Variants in KLF12 observed in about 807,000 individuals in gnomAD.
The protein encoded by KLF12 is KLF transcription factor 12.
KLF12 carries 9 observed loss-of-function variants against 37.8 expected under a neutral mutation model. The observed-to-expected ratio is 0.24, with a 90% CI of 0.14 to 0.42. The LOEUF is 0.42. Among genes scored for constraint, KLF12 ranks in the 10% least tolerant of loss-of-function variants. KLF12 has a pLI of 1.00. For synonymous variants in KLF12, 208 were observed against 202.1 expected (o/e 1.03, Z -0.25); for missense variants, 411 against 516.0 (o/e 0.80, Z 1.97).
intron 4 of KLF12, among the ~76,000 whole-genome samples, chr13:73,838,797 A>G (rs1247961287): frequency 6.6e-6 from 1 of 152,192 alleles, no homozygotes; most frequent in African/African-American, 2.4e-5. Flanking sequence ...TGTGTGGCTA[A>G]GGAAAAGACA....
chr13:74,010,096 T>C (rs952279812), intron 1 of KLF12, among the ~76,000 whole-genome samples: 1 of 151,864 alleles, frequency 6.6e-6, no homozygotes, highest in Non-Finnish European at 1.5e-5. Flanking sequence ...ACTACAGGCA[T>C]GCACCACCAC....
intron 7 of KLF12, among the ~76,000 whole-genome samples, chr13:73,704,787 G>T (rs533691392): frequency 1.3e-5 from 2 of 152,168 alleles, no homozygotes; most frequent in Non-Finnish European, 2.9e-5. Context: ...CAGCAGTGCC[G>T]TACTGTGGAT....
chr13:74,068,705 C>T (rs1361929023), intron 1 of KLF12, among the ~76,000 whole-genome samples: 3 of 151,900 alleles, frequency 2.0e-5, no homozygotes, highest in Admixed American at 6.6e-5. Context: ...CACAGGCATG[C>T]GTCATAACAC....
the KLF12 span, among the ~76,000 whole-genome samples, chr13:74,292,528 C>G: frequency 2.0e-5 from 3 of 150,298 alleles, no homozygotes; most frequent in Non-Finnish European, 4.4e-5. Flanking sequence ...CATGACCTGT[C>G]TCCTTACTGA....
the KLF12 span, among the ~76,000 whole-genome samples, chr13:74,140,791 T>C: frequency 0.98 from 148,546 of 152,272 alleles, 72,574 homozygotes; most frequent in Middle Eastern, 1. Flanking sequence ...CGGTGGCTCA[T>C]GCCTGTAATC....
intron 3 of KLF12, among the ~76,000 whole-genome samples, chr13:73,852,871 GTT>G (rs35471651): frequency 2.2e-5 from 3 of 137,182 alleles, no homozygotes; most frequent in Admixed American, 7.3e-5. Context: ...TTACATTTAT[GTT>G]TTTTTTTTTT....
intron 1 of KLF12, among the ~76,000 whole-genome samples, chr13:74,051,421 G>A (rs1262679306): frequency 6.6e-6 from 1 of 151,186 alleles, no homozygotes; most frequent in Non-Finnish European, 1.5e-5. Flanking sequence ...TGCACATTTA[G>A]GGACATATTT....
rs548338833 is a variant in KLF12, at chr13:73,841,204, G to C, written c.670+4623C>G. On this transcript the variant is annotated intron_variant, in intron 4 of 7. Transcript: ENST00000377669. Reference sequence around the variant, plus strand: ...ATAAGGTAAATGCACACTGCATATCGGAAGGAAGGAGAATCCTAAACGCGC... The same window carrying C: ...ATAAGGTAAATGCACACTGCATATCCGAAGGAAGGAGAATCCTAAACGCGC... Among the ~76,000 whole-genome samples the C allele has an allele frequency of 3.3e-5, 5 of 152,236 alleles. No homozygotes were observed. The East Asian group carries it at 9.7e-4, about 29-fold the overall frequency.
At chr13:74,244,372 T>A in the KLF12 span, among the ~76,000 whole-genome samples, 1 of 152,216 alleles carries the variant, frequency 6.6e-6, no homozygotes, top group Non-Finnish European at 1.5e-5. Context: ...ATGAAGAACA[T>A]GAGCTGGCTC....
chr13:74,050,965 A>G (rs927961585), intron 1 of KLF12, among the ~76,000 whole-genome samples: 2 of 152,226 alleles, frequency 1.3e-5, no homozygotes, highest in African/African-American at 4.8e-5. Context: ...TTATCAGGGA[A>G]GTGCAAACTA....
At chr13:73,922,959 C>T (rs918909524) in intron 3 of KLF12, among the ~76,000 whole-genome samples, 2 of 152,084 alleles carry the variant, frequency 1.3e-5, no homozygotes, top group African/African-American at 2.4e-5. Flanking sequence ...TCAGACCTTC[C>T]GCCACAAATT....
At chr13:74,205,584 A>G in the KLF12 span, among the ~76,000 whole-genome samples, 5 of 152,212 alleles carry the variant, frequency 3.3e-5, no homozygotes, top group African/African-American at 1.2e-4. Flanking sequence ...ATGGACACGT[A>G]AAGCTTTGGT....
intron 1 of KLF12, among the ~76,000 whole-genome samples, chr13:74,103,807 T>C (rs1876497178): frequency 6.6e-6 from 1 of 152,190 alleles, no homozygotes; most frequent in Non-Finnish European, 1.5e-5. Flanking sequence ...TACTATCAAA[T>C]GAAGTACAAA....
chr13:73,698,118 C>T (rs141152446), intron 7 of KLF12, among the ~76,000 whole-genome samples: 112 of 151,066 alleles, frequency 7.4e-4, no homozygotes, highest in African/African-American at 2.7e-3. Flanking sequence ...GATTGTGTTA[C>T]TGCACTCCAG....
At chr13:74,281,201 A>G in the KLF12 span, among the ~76,000 whole-genome samples, 6 of 152,132 alleles carry the variant, frequency 3.9e-5, no homozygotes, top group East Asian at 1.2e-3. Context: ...TAAGACACCC[A>G]CACACTATTT....
intron 4 of KLF12, among the ~76,000 whole-genome samples, chr13:73,819,562 G>GC (rs1385067498): frequency 1.4e-5 from 2 of 143,696 alleles, no homozygotes; most frequent in Admixed American, 1.4e-4. Context: ...GAGGTAGCAA[G>GC]CAGTCTTCTG....
At chr13:74,033,500 G>A (rs567194388) in intron 1 of KLF12, among the ~76,000 whole-genome samples, 1 of 152,170 alleles carries the variant, frequency 6.6e-6, no homozygotes, top group African/African-American at 2.4e-5. Context: ...ACTTAGCCTA[G>A]TATCTAACAC....
chr13:74,121,614 T>C (rs954032309), intron 1 of KLF12, among the ~76,000 whole-genome samples: 5 of 152,030 alleles, frequency 3.3e-5, no homozygotes, highest in Non-Finnish European at 5.9e-5. Flanking sequence ...ATTGAGATAA[T>C]ATAATGCATT....
chr13:74,061,441 T>C (rs936209569), intron 1 of KLF12, among the ~76,000 whole-genome samples: 1 of 152,196 alleles, frequency 6.6e-6, no homozygotes. Flanking sequence ...TACTACAGTT[T>C]TTCCTAATTG....
Sources: allele counts gnomAD v4.1 joint callset (sites outside exome capture counted in the v4.1 genomes callset), GRCh38; gene constraint gnomAD v4.1.1; transcripts MANE v1.5; gene names NCBI Gene and HGNC (gene_info 2026-07-23, HGNC 2026-07-21).